NGEF: variants seen among roughly 807,000 people sequenced by gnomAD.
The protein encoded by NGEF is neuronal guanine nucleotide exchange factor.
A neutral mutation model predicts 80.9 loss-of-function variants in NGEF; 31 were observed. That is an observed-to-expected ratio of 0.38 (90% CI 0.29 to 0.52). The LOEUF (loss-of-function observed/expected upper bound fraction) is 0.52, where lower values mean the gene tolerates loss of function less well. Ranked by LOEUF, NGEF falls within the 20% of genes least tolerant of loss-of-function variation. The probability of loss-of-function intolerance (pLI) is 0.84; values close to 1 mark genes in which losing one functional copy is unlikely to be tolerated. For synonymous variants in NGEF, 371 were observed against 370.2 expected, an observed-to-expected ratio of 1.00 and a Z score of -0.03; for missense variants, 709 against 926.2, an observed-to-expected ratio of 0.77 and a Z score of 3.04.
chr2:232,930,696 T>G (rs1287464081), intron 3 of NGEF, among the ~76,000 whole-genome samples: 1 of 151,558 alleles, frequency 6.6e-6, no homozygotes, highest in Non-Finnish European at 1.5e-5. Context: ...TCCACCCTCA[T>G]GGCCTTGCCA....
At chr2:232,915,439 A>C (rs539137912) in intron 5 of NGEF, among the ~76,000 whole-genome samples, 1 of 152,034 alleles carries the variant, frequency 6.6e-6, no homozygotes, top group East Asian at 1.9e-4. Flanking sequence ...TATTCTTTGG[A>C]ATTTGGTGTG....
At chr2:232,943,565 G>T (rs534332242) in intron 3 of NGEF, among the ~76,000 whole-genome samples, 4 of 149,744 alleles carry the variant, frequency 2.7e-5, no homozygotes, top group East Asian at 2.0e-4. Context: ...GCGCGATCTC[G>T]GCTCACTGCA....
At position 232,974,641 on chromosome 2, in the gene NGEF, T is replaced by C. The variant is rs749545128; in HGVS notation, c.250A>G (p.Asn84Asp). The change falls in exon 2 of 15, where the codon AAC becomes GAC. Residue 84 changes from asparagine (N) to aspartate (D), a missense_variant. Coordinates refer to ENST00000264051, the MANE Select transcript of NGEF (RefSeq NM_019850.3). ...TACTGACCTGCCAGGCAGCTGGCGT[T>C]CCGTTCGGGGTTGTCTCTGGCCTTG... ...KAKARDNPER[N>D]ASCLADSQDN... 31 of 1,613,948 alleles carry C rather than the reference T, an allele frequency of 1.9e-5. No individual in the cohort carries two copies. The South Asian group carries it at 3.4e-4, about 18-fold the overall frequency.
intron 3 of NGEF, among the ~76,000 whole-genome samples, chr2:232,932,163 CT>C (rs397988249): frequency 1.1e-3 from 132 of 115,578 alleles, no homozygotes; most frequent in East Asian, 3.1e-3. Context: ...AATCACCTTT[CT>C]TTTTTTTTTT....
intron 4 of NGEF, among the ~76,000 whole-genome samples, chr2:232,926,706 C>T (rs1053522765): frequency 6.6e-6 from 1 of 152,148 alleles, no homozygotes; most frequent in Admixed American, 6.5e-5. Context: ...GAGTCCTCCC[C>T]GCTGCACAGC....
chr2:232,965,494 A>G (rs574614979), intron 3 of NGEF, among the ~76,000 whole-genome samples: 219 of 152,298 alleles, frequency 1.4e-3, no homozygotes, highest in African/African-American at 5.0e-3. Flanking sequence ...TCAGAATGCT[A>G]TGGAGCAAGA....
At chr2:233,001,436 G>C (rs1432020861) in intron 1 of NGEF, among the ~76,000 whole-genome samples, 1 of 152,234 alleles carries the variant, frequency 6.6e-6, no homozygotes, top group African/African-American at 2.4e-5. Context: ...AGGTGACTCA[G>C]ACCTGAGGAA....
chr2:232,905,346 C>T (rs534654474), intron 5 of NGEF, among the ~76,000 whole-genome samples: 15 of 152,362 alleles, frequency 9.8e-5, no homozygotes, highest in Non-Finnish European at 1.9e-4. Context: ...GCGAGTGATC[C>T]GCCAGCCTCG....
chr2:232,888,261 C>T (rs1188334552), intron 8 of NGEF, among the ~76,000 whole-genome samples, 154 bp from the exon 9 acceptor site: 2 of 152,190 alleles, frequency 1.3e-5, no homozygotes, highest in Non-Finnish European at 2.9e-5. Context: ...CGCATACATG[C>T]ATGCACACAT....
chr2:232,888,414 GCA>G (rs992304209), intron 8 of NGEF, among the ~76,000 whole-genome samples: 53 of 151,928 alleles, frequency 3.5e-4, no homozygotes, highest in Admixed American at 1.0e-3. Flanking sequence ...ACACATGCAT[GCA>G]CACACGTGCA....
rs192935365 is a variant in NGEF at position 232,886,691 on chromosome 2, G to A, written c.1348-1322C>T. On this transcript the variant is annotated intron_variant, in intron 9 of 14. Coordinates refer to ENST00000264051, the MANE Select transcript of NGEF (RefSeq NM_019850.3). Reference sequence around the variant, plus strand: ...GAAAAATGAAGATGAAAGCAGAAAAGAACTTTAAAAACAGAAAACATACCC... The same window carrying A: ...GAAAAATGAAGATGAAAGCAGAAAAAAACTTTAAAAACAGAAAACATACCC... Among the ~76,000 whole-genome samples the A allele has an allele frequency of 5.3e-5, 8 of 152,334 alleles. No homozygotes were observed. The East Asian group carries it at 1.5e-3, about 29-fold the overall frequency.
At chr2:233,001,319 C>G (rs884089) in intron 1 of NGEF, among the ~76,000 whole-genome samples, 56,619 of 152,144 alleles carry the variant, frequency 0.37, 11,255 homozygotes, top group East Asian at 0.63. Context: ...ATAAGCCTCT[C>G]CCTTCTGGAA....
chr2:232,881,748 C>T (rs1319403644), intron 13 of NGEF, among the ~76,000 whole-genome samples: 1 of 152,054 alleles, frequency 6.6e-6, no homozygotes, highest in Non-Finnish European at 1.5e-5. Context: ...CTGGCTATTC[C>T]GTATTTTTAG....
chr2:232,943,608 G>A (rs1454026818), intron 3 of NGEF, among the ~76,000 whole-genome samples: 1 of 150,502 alleles, frequency 6.6e-6, no homozygotes, highest in African/African-American at 2.4e-5. Flanking sequence ...CCATTCTCCT[G>A]CCTCAGCCTC....
intron 5 of NGEF, among the ~76,000 whole-genome samples, chr2:232,899,133 G>C (rs1020932009): frequency 1.3e-5 from 2 of 150,638 alleles, no homozygotes; most frequent in Non-Finnish European, 3.0e-5. Flanking sequence ...GCATGTGTGT[G>C]AAAGAGTATG....
chr2:232,888,463 C>CT, intron 8 of NGEF, among the ~76,000 whole-genome samples: 1 of 152,316 alleles, frequency 6.6e-6, no homozygotes, highest in South Asian at 2.1e-4. Context: ...TGCATGCACA[C>CT]TTGCAAGCAC....
At chr2:232,908,145 C>T (rs1023129858) in intron 5 of NGEF, among the ~76,000 whole-genome samples, 5 of 152,066 alleles carry the variant, frequency 3.3e-5, no homozygotes, top group African/African-American at 9.7e-5. Context: ...AAAATGTTTG[C>T]GTCTTTAAAC....
In NGEF at chr2:232,900,253, CAT is replaced by C. The variant is rs535757563; in HGVS notation, c.829-5339_829-5338del. Among the ~76,000 whole-genome samples the C allele has an allele frequency of 7.9e-4, 107 of 136,302 alleles. 4 individuals are homozygous for C. The highest frequency in any genetic ancestry group is 2.6e-3 in the African/African-American group (83 of 32,280). 89.4% of individuals were successfully genotyped at this position (136,302 alleles called of 152,430 possible). A position where few individuals can be genotyped will look rare whatever the true frequency, so the allele number is the denominator to read the frequency against. ...TCACACACACACGCTCTCAGTCACTCATATACACGTTCACTCACATTCACACA... is the reference window on the plus strand; with the variant it reads ...TCACACACACACGCTCTCAGTCACTCATACACGTTCACTCACATTCACACA... On this transcript the variant is annotated intron_variant, in intron 5 of 14. Transcript: ENST00000264051.
At chr2:232,900,624 T>A (rs1435612582) in intron 5 of NGEF, among the ~76,000 whole-genome samples, 13 of 98,934 alleles carry the variant, frequency 1.3e-4, no homozygotes, top group South Asian at 3.0e-4. Flanking sequence ...ACACACACGC[T>A]CTCACAGTCA....
Sources: gnomAD v4.1 joint callset for allele counts (sites outside exome capture counted in the v4.1 genomes callset) on GRCh38, gnomAD v4.1.1 for gene constraint, MANE v1.5 for transcripts, NCBI Gene and HGNC (gene_info 2026-07-23, HGNC 2026-07-21) for gene names.